RALGPS1: variants seen among roughly 807,000 people sequenced by gnomAD.
RALGPS1 encodes Ral GEF with PH domain and SH3 binding motif 1, also known as ras-specific guanine nucleotide-releasing factor RalGPS1.
A neutral mutation model predicts 78.8 loss-of-function variants in RALGPS1; 19 were observed. That is an observed-to-expected ratio of 0.24 (90% CI 0.17 to 0.35). RALGPS1 has a LOEUF of 0.35. Among genes scored for constraint, RALGPS1 ranks in the 10% least tolerant of loss-of-function variants. The pLI, the probability that RALGPS1 is intolerant of heterozygous loss-of-function variation, is 1.00. For missense variants in RALGPS1, 454 were observed against 688.3 expected, an observed-to-expected ratio of 0.66 and a Z score of 3.81; for synonymous variants, 228 against 256.3, an observed-to-expected ratio of 0.89 and a Z score of 1.06.
chr9:127,115,988 C>T (rs1440515671), intron 8 of RALGPS1, among the ~76,000 whole-genome samples: 1 of 152,184 alleles, frequency 6.6e-6, no homozygotes, highest in Non-Finnish European at 1.5e-5. Context: ...CAGAAGGCAC[C>T]TGGGGAGTCT....
At chr9:127,173,001 C>G (rs779699430) in intron 10 of RALGPS1, among the ~76,000 whole-genome samples, 1 of 152,148 alleles carries the variant, frequency 6.6e-6, no homozygotes, top group South Asian at 2.1e-4. Flanking sequence ...GGAGAGATGT[C>G]TGGCCCTCCT....
intron 3 of RALGPS1, among the ~76,000 whole-genome samples, chr9:126,968,657 A>T (rs901589721): frequency 4.6e-5 from 7 of 152,364 alleles, no homozygotes; most frequent in African/African-American, 1.7e-4. Flanking sequence ...CACAGATAGT[A>T]CATGGCACAG....
intron 2 of RALGPS1, among the ~76,000 whole-genome samples, chr9:126,963,196 G>A (rs778918457): frequency 6.6e-6 from 1 of 152,202 alleles, no homozygotes; most frequent in Non-Finnish European, 1.5e-5. Context: ...ATGATTGTGT[G>A]TGTTTGGGGC....
chr9:127,177,287 G>T (rs951996550), intron 11 of RALGPS1, among the ~76,000 whole-genome samples: 1 of 152,108 alleles, frequency 6.6e-6, no homozygotes, highest in Admixed American at 6.5e-5. Flanking sequence ...AGATCCTGTT[G>T]CTGCAGCCTC....
At chr9:126,942,520 A>C (rs1004481758) in intron 1 of RALGPS1, among the ~76,000 whole-genome samples, 1 of 151,938 alleles carries the variant, frequency 6.6e-6, no homozygotes, top group African/African-American at 2.4e-5. Context: ...GTTATATGCT[A>C]CTCCTCACAT....
chr9:126,976,424 ACAC>A (rs2040655251), intron 3 of RALGPS1, among the ~76,000 whole-genome samples: 4 of 61,100 alleles, frequency 6.5e-5, no homozygotes, highest in South Asian at 1.1e-3. Flanking sequence ...ATATACTCAC[ACAC>A]ACACACACAC....
chr9:127,187,316 C>T (rs558124675), intron 11 of RALGPS1, among the ~76,000 whole-genome samples: 3 of 152,290 alleles, frequency 2.0e-5, no homozygotes, highest in East Asian at 1.9e-4. Context: ...ATATGGCCAC[C>T]GTGTTCCTCC....
intron 14 of RALGPS1, among the ~76,000 whole-genome samples, chr9:127,203,595 G>A (rs549356895): frequency 4.6e-5 from 7 of 152,170 alleles, no homozygotes; most frequent in Admixed American, 1.3e-4. Flanking sequence ...CAGGGTTGGG[G>A]GGCACAGTGC....
intron 1 of RALGPS1, among the ~76,000 whole-genome samples, chr9:126,943,150 C>CT (rs2036938757): frequency 6.6e-6 from 1 of 151,110 alleles, no homozygotes; most frequent in African/African-American, 2.4e-5. Flanking sequence ...TCCTTTTTTT[C>CT]TTTTTTGAGA....
intron 11 of RALGPS1, among the ~76,000 whole-genome samples, chr9:127,191,303 A>T (rs1201154352): frequency 6.6e-6 from 1 of 152,130 alleles, no homozygotes; most frequent in African/African-American, 2.4e-5. Context: ...CCCTTTCCCC[A>T]AGATTATAAT....
At chr9:127,133,564 C>G (rs1194219413) in intron 8 of RALGPS1, among the ~76,000 whole-genome samples, 1 of 152,214 alleles carries the variant, frequency 6.6e-6, no homozygotes, top group African/African-American at 2.4e-5. Flanking sequence ...CACCCTGCCA[C>G]CCACTCACCC....
chr9:127,020,218 G>A (rs140587066), intron 4 of RALGPS1, among the ~76,000 whole-genome samples: 27 of 152,252 alleles, frequency 1.8e-4, no homozygotes, highest in African/African-American at 5.1e-4. Context: ...AACTTTTCTC[G>A]TTTCTTGCAG....
chr9:127,107,082 T>A (rs1401863345), intron 8 of RALGPS1: 1 of 152,204 alleles, frequency 6.6e-6, no homozygotes, highest in East Asian at 1.9e-4. Flanking sequence ...GCCTGCTTCT[T>A]CCAGAAATGA....
At chr9:126,950,159 TTCCATTGA>T (rs1306275514) in intron 1 of RALGPS1, among the ~76,000 whole-genome samples, 3 of 152,346 alleles carry the variant, frequency 2.0e-5, no homozygotes, top group Admixed American at 2.0e-4. Context: ...CTCTGTTCTG[TTCCATTGA>T]TCTATATCTC....
At position 127,211,836 on chromosome 9, in the gene RALGPS1, C is replaced by A. The variant is rs1027863440; in HGVS notation, c.1248-295C>A. Among the ~76,000 whole-genome samples the A allele has an allele frequency of 6.6e-6, 1 of 152,128 alleles. No individual in the cohort carries two copies. The highest frequency in any genetic ancestry group is 1.5e-5 in the Non-Finnish European group (1 of 68,026). On this transcript the variant is annotated intron_variant, in intron 14 of 18. Coordinates refer to ENST00000259351, the MANE Select transcript of RALGPS1 (RefSeq NM_014636.3). The surrounding 1 kb of genome is among the most constrained non-coding windows in gnomAD (Gnocchi z 5.0). ...CCCCAGGGAGCGGCCAGGCTGTAGC[C>A]GTGACAAAAGCATCCCTTAGGGTGG...
chr9:127,055,717 C>A (rs1286019556), intron 7 of RALGPS1, among the ~76,000 whole-genome samples: 1 of 152,174 alleles, frequency 6.6e-6, no homozygotes, highest in Non-Finnish European at 1.5e-5. Flanking sequence ...ACCACCATAC[C>A]CCACTGAACA....
intron 8 of RALGPS1, among the ~76,000 whole-genome samples, chr9:127,162,978 C>T (rs1401884389): frequency 1.3e-5 from 2 of 152,140 alleles, no homozygotes; most frequent in African/African-American, 2.4e-5. Context: ...TAGTTTTCTC[C>T]TCCTACTTTC....
intron 1 of RALGPS1, among the ~76,000 whole-genome samples, chr9:126,919,809 A>C (rs560860453): frequency 6.6e-6 from 1 of 152,328 alleles, no homozygotes; most frequent in South Asian, 2.1e-4. Flanking sequence ...AGGTGCTCAC[A>C]TGCTGTGTGT....
chr9:127,113,454 C>G (rs990386696), intron 8 of RALGPS1, among the ~76,000 whole-genome samples: 9 of 151,190 alleles, frequency 6.0e-5, no homozygotes, highest in Non-Finnish European at 1.0e-4. Context: ...TTTACTTTTG[C>G]TCTCTTGATA....
Sources: gnomAD v4.1 joint callset for allele counts (sites outside exome capture counted in the v4.1 genomes callset) on GRCh38, gnomAD v4.1.1 for gene constraint, Gnocchi (gnomAD v3.1) non-coding constraint, MANE v1.5 for transcripts, NCBI Gene and HGNC (gene_info 2026-07-23, HGNC 2026-07-21) for gene names.